The following IMMP2L variants were observed in gnomAD, a reference collection of about 807,000 sequenced individuals.
IMMP2L encodes the protein inner mitochondrial membrane peptidase subunit 2.
A neutral mutation model predicts 19.3 loss-of-function variants in IMMP2L; 18 were observed. The ratio of observed to expected loss-of-function variants is 0.93; its 90% CI spans 0.64 to 1.38. The LOEUF is 1.38. IMMP2L is among the 40% of genes most tolerant of loss of function. IMMP2L has a pLI of 0.00. For synonymous variants in IMMP2L, 76 were observed against 73.0 expected, an observed-to-expected ratio of 1.04 and a Z score of -0.21; for missense variants, 233 against 218.2, an observed-to-expected ratio of 1.07 and a Z score of -0.43.
chr7:111,463,179 G>GTGTT (rs1432922640), intron 3 of IMMP2L, among the ~76,000 whole-genome samples: 2 of 144,800 alleles, frequency 1.4e-5, no homozygotes, highest in African/African-American at 5.6e-5. Flanking sequence ...CATCTTCCGT[G>GTGTT]TGTGTGTGTG....
At chr7:110,729,076 G>C (rs1484238937) in intron 5 of IMMP2L, among the ~76,000 whole-genome samples, 9 of 151,920 alleles carry the variant, frequency 5.9e-5, no homozygotes, top group Admixed American at 5.9e-4. Context: ...GTATAGATGG[G>C]GTTTCACCAT....
chr7:111,148,966 G>C lies in IMMP2L; in HGVS notation c.240-185401C>G, dbSNP rs79618363. On this transcript the variant is annotated intron_variant, in intron 3 of 5. Coordinates refer to ENST00000405709, the MANE Select transcript of IMMP2L (RefSeq NM_032549.4). ...AACTAAAACAGAGATAACTTAATGAGGCCAAGATCACAGATAGAGTAAATA... is the reference window on the plus strand; with the variant it reads ...AACTAAAACAGAGATAACTTAATGACGCCAAGATCACAGATAGAGTAAATA... Among the ~76,000 whole-genome samples, 909 of 152,096 alleles carry C rather than the reference G, an allele frequency of 6.0e-3. 6 individuals carry two copies. Among genetic ancestry groups the C allele is most frequent in the Non-Finnish European group, 8.4e-3 (573 of 67,974 alleles).
chr7:111,228,128 T>TACGTTTATGTTCATGTTTAAAAC (rs1273771596), intron 3 of IMMP2L, among the ~76,000 whole-genome samples: 2 of 152,116 alleles, frequency 1.3e-5, no homozygotes, highest in South Asian at 2.1e-4. Context: ...GCTGTTGAAA[T>TACGTTTATGTTCATGTTTAAAAC]ACGTTTATGT....
At chr7:111,012,893 T>A (rs910525717) in intron 3 of IMMP2L, among the ~76,000 whole-genome samples, 2 of 152,142 alleles carry the variant, frequency 1.3e-5, no homozygotes, top group Non-Finnish European at 2.9e-5. Flanking sequence ...CCTAAATTAT[T>A]GTAAGAAAAT....
chr7:111,140,182 C>T (rs1802737973), intron 3 of IMMP2L, among the ~76,000 whole-genome samples: 1 of 151,958 alleles, frequency 6.6e-6, no homozygotes, highest in African/African-American at 2.4e-5. Context: ...AGAGGGAGAC[C>T]AAGACTCAGG....
At chr7:111,023,620 T>A (rs1278190827) in intron 3 of IMMP2L, among the ~76,000 whole-genome samples, 1 of 151,712 alleles carries the variant, frequency 6.6e-6, no homozygotes, top group Non-Finnish European at 1.5e-5. Flanking sequence ...AGCAAGAGAA[T>A]CACTTGAACC....
At chr7:111,305,558 T>C (rs1584537288) in intron 3 of IMMP2L, among the ~76,000 whole-genome samples, 2 of 151,878 alleles carry the variant, frequency 1.3e-5, no homozygotes, top group East Asian at 3.9e-4. Context: ...CACTGCAACC[T>C]CCGCCTCCCA....
At chr7:111,029,736 T>A (rs1827210473) in intron 3 of IMMP2L, among the ~76,000 whole-genome samples, 1 of 152,204 alleles carries the variant, frequency 6.6e-6, no homozygotes, top group Non-Finnish European at 1.5e-5. Context: ...TTCAATGTAT[T>A]GCTCATCATT....
At chr7:111,487,845 T>C (rs1291156554) in intron 2 of IMMP2L, among the ~76,000 whole-genome samples, 1 of 152,204 alleles carries the variant, frequency 6.6e-6, no homozygotes, top group Non-Finnish European at 1.5e-5. Context: ...AATGTATGGA[T>C]TTCCCACTTT....
intron 3 of IMMP2L, among the ~76,000 whole-genome samples, chr7:111,463,292 C>A (rs942810373): frequency 6.6e-6 from 1 of 151,918 alleles, no homozygotes; most frequent in Non-Finnish European, 1.5e-5. Context: ...CTGTAAAGAC[C>A]CAGATCTTCA....
chr7:111,435,899 T>C (rs1375083062), intron 3 of IMMP2L, among the ~76,000 whole-genome samples: 1 of 151,718 alleles, frequency 6.6e-6, no homozygotes, highest in African/African-American at 2.4e-5. Context: ...TCATCAAGGA[T>C]AGCAGCTATC....
At chr7:110,913,930 G>T (rs576853458) in intron 4 of IMMP2L, among the ~76,000 whole-genome samples, 1 of 152,118 alleles carries the variant, frequency 6.6e-6, no homozygotes, top group Non-Finnish European at 1.5e-5. Context: ...AGGGATCTCA[G>T]GTAAAGTTTT....
chr7:110,827,198 C>G (rs2131366526), intron 5 of IMMP2L, among the ~76,000 whole-genome samples: 1 of 152,246 alleles, frequency 6.6e-6, no homozygotes, highest in South Asian at 2.1e-4. Context: ...TATATCCTCT[C>G]CATTTCAAAG....
At chr7:111,275,367 C>G (rs1818911016) in intron 3 of IMMP2L, among the ~76,000 whole-genome samples, 1 of 152,174 alleles carries the variant, frequency 6.6e-6, no homozygotes, top group Non-Finnish European at 1.5e-5. Context: ...AGTTTATGTT[C>G]TGAATTGAAT....
At chr7:111,334,837 T>A (rs1383024448) in intron 3 of IMMP2L, among the ~76,000 whole-genome samples, 2 of 152,120 alleles carry the variant, frequency 1.3e-5, no homozygotes, top group Admixed American at 1.3e-4. Context: ...TTCCCTCACT[T>A]TTCCTAACGT....
At chr7:111,343,081 T>C (rs956988217) in intron 3 of IMMP2L, among the ~76,000 whole-genome samples, 1 of 152,140 alleles carries the variant, frequency 6.6e-6, no homozygotes, top group Non-Finnish European at 1.5e-5. Flanking sequence ...CAACTACCTA[T>C]TATGCATACT....
chr7:110,685,525 C>T (rs533359053), intron 5 of IMMP2L, among the ~76,000 whole-genome samples: 48 of 152,190 alleles, frequency 3.2e-4, no homozygotes, highest in African/African-American at 1.1e-3. Flanking sequence ...TATCATATCC[C>T]ATTATTAACA....
intron 4 of IMMP2L, chr7:110,962,613 T>C (rs1301850154): frequency 3.3e-5 from 15 of 457,284 alleles, no homozygotes; most frequent in Non-Finnish European, 4.3e-5. Context: ...ACTTTAGTAT[T>C]ATTAGGAAAG....
chr7:111,279,795 A>G (rs773123163), intron 3 of IMMP2L, among the ~76,000 whole-genome samples: 6 of 152,126 alleles, frequency 3.9e-5, no homozygotes, highest in Non-Finnish European at 5.9e-5. Context: ...GGTTACAGAG[A>G]CTTCAAAATA....
Sources: allele counts gnomAD v4.1 joint callset (sites outside exome capture counted in the v4.1 genomes callset), GRCh38; gene constraint gnomAD v4.1.1; transcripts MANE v1.5; gene names NCBI Gene and HGNC (gene_info 2026-07-23, HGNC 2026-07-21).